Variants in ZNF429 observed in about 807,000 individuals in gnomAD.
ZNF429 encodes the protein zinc finger protein 429.
Under a neutral mutation model 56.8 loss-of-function variants are expected in ZNF429, and 53 were observed. The ratio of observed to expected loss-of-function variants is 0.93; its 90% CI spans 0.75 to 1.17. The LOEUF is 1.17. Among genes scored for constraint, ZNF429 ranks in the 50% most tolerant of loss-of-function variants. ZNF429 has a pLI of 0.00. For missense variants in ZNF429, 849 were observed against 788.4 expected (o/e 1.08, Z -0.92); for synonymous variants, 278 against 264.7 (o/e 1.05, Z -0.49).
chr19:21,512,216 TATGGCACTG>T (rs2032517789), intron 1 of ZNF429, among the ~76,000 whole-genome samples: 1 of 152,166 alleles, frequency 6.6e-6, no homozygotes, highest in Non-Finnish European at 1.5e-5. Flanking sequence ...TGTAAACTGT[TATGGCACTG>T]ATGGGAGTGT....
chr19:21,528,032 A>C (rs1186707362), intron 1 of ZNF429, among the ~76,000 whole-genome samples: 1 of 152,108 alleles, frequency 6.6e-6, no homozygotes, highest in African/African-American at 2.4e-5. Flanking sequence ...AGGGTCTCTG[A>C]AAAATATTTC....
chr19:21,533,873 T>C, intron 3 of ZNF429, among the ~76,000 whole-genome samples: 9 of 152,014 alleles, frequency 5.9e-5, no homozygotes, highest in African/African-American at 9.7e-5. Context: ...CTAGGCTGTA[T>C]TGATATCCAG....
At chr19:21,522,013 G>T (rs1353091395) in intron 1 of ZNF429, 1 of 152,370 alleles carries the variant, frequency 6.6e-6, no homozygotes, top group Non-Finnish European at 1.5e-5. Context: ...AGTGGCAGAT[G>T]GTAGGAGTCG....
intron 3 of ZNF429, among the ~76,000 whole-genome samples, chr19:21,535,493 TTTC>T: frequency 9.6e-5 from 12 of 124,862 alleles, no homozygotes; most frequent in East Asian, 6.4e-4. Context: ...TCTTTCTTTC[TTTC>T]TTCTTTCTTT....
chr19:21,506,315 G>T (rs184400850), intron 1 of ZNF429, among the ~76,000 whole-genome samples: 47 of 152,114 alleles, frequency 3.1e-4, no homozygotes, highest in African/African-American at 1.1e-3. Flanking sequence ...AAAATTAGCC[G>T]GATGTGGTGG....
intron 1 of ZNF429, among the ~76,000 whole-genome samples, chr19:21,508,243 GA>G (rs112400992): frequency 0.049 from 6,242 of 127,394 alleles, 404 homozygotes; most frequent in African/African-American, 0.16. Context: ...AACTCCATCT[GA>G]AAAAAAAAAA....
chr19:21,533,509 C>T, intron 3 of ZNF429, among the ~76,000 whole-genome samples: 90 of 151,048 alleles, frequency 6.0e-4, no homozygotes, highest in African/African-American at 1.9e-3. Flanking sequence ...TAAGAAAATG[C>T]GGCCAAGTCC....
At chr19:21,517,751 T>C (rs796428007) in intron 1 of ZNF429, among the ~76,000 whole-genome samples, 1 of 94,970 alleles carries the variant, frequency 1.1e-5, no homozygotes, top group African/African-American at 3.9e-5. Flanking sequence ...TCAGTAGTTA[T>C]TTGTATTTTT....
intron 1 of ZNF429, among the ~76,000 whole-genome samples, chr19:21,510,119 G>C (rs1316607895): frequency 6.6e-6 from 1 of 152,112 alleles, no homozygotes; most frequent in Non-Finnish European, 1.5e-5. Flanking sequence ...ATGTTGGCCA[G>C]GCTGGTCTCG....
Position 21,537,920 on chromosome 19 carries a change from T to A in ZNF429, c.1867T>A (p.Cys623Ser). The change falls in exon 4 of 4, where the codon TGT becomes AGT. Residue 623 changes from cysteine to serine, a missense_variant. Physicochemically the swap from Cys to Ser is moderately radical, Grantham distance 112 (BLOSUM62 -1). Transcript: ENST00000358491. Reference sequence around the variant, plus strand: ...TCATACTAGAGAGAAACCTTACAAATGTGAAGAATGTGCCAAAGCTTTTAC... The same window carrying A: ...TCATACTAGAGAGAAACCTTACAAAAGTGAAGAATGTGCCAAAGCTTTTAC... ...KIHTREKPYK[C>S]EECAKAFTRS... 6.2e-7 allele frequency: 1 copy of A among 1,613,908 alleles called. No homozygotes were observed. Among genetic ancestry groups the A allele is most frequent in the Non-Finnish European group, 8.5e-7 (1 of 1,179,956 alleles).
intron 3 of ZNF429, among the ~76,000 whole-genome samples, chr19:21,534,896 G>A: frequency 5.3e-5 from 8 of 150,148 alleles, no homozygotes; most frequent in East Asian, 2.0e-4. Flanking sequence ...TGCAGGCTCC[G>A]CCTCCCGGGT....
chr19:21,527,935 A>G (rs1468959553), intron 1 of ZNF429, among the ~76,000 whole-genome samples: 1 of 152,170 alleles, frequency 6.6e-6, no homozygotes, highest in Admixed American at 6.5e-5. Flanking sequence ...ACTGTCATGC[A>G]TTTAGTACTT....
At chr19:21,521,001 G>A (rs1472222836) in intron 1 of ZNF429, among the ~76,000 whole-genome samples, 1 of 152,114 alleles carries the variant, frequency 6.6e-6, no homozygotes, top group East Asian at 1.9e-4. Context: ...TGTTTTAACT[G>A]AATTATGGTT....
chr19:21,537,183 CTTTT>C lies in ZNF429; in HGVS notation c.1131_1134del (p.Phe378ThrfsTer305). 6.2e-7 allele frequency: 1 copy of C among 1,613,694 alleles called. No homozygotes were observed. The highest frequency in any genetic ancestry group is 8.5e-7 in the Non-Finnish European group (1 of 1,179,948). ...TACAAATGTGAAGAATGTGGCAAAG[CTTTT>C]AACCAGTCTTCAAGACTTACTCGAC... is the stretch of plus-strand genomic sequence containing the variant. On this transcript the variant is annotated frameshift_variant, in exon 4 of 4. Coordinates refer to ENST00000358491, the MANE Select transcript of ZNF429 (RefSeq NM_001001415.4). LOFTEE classifies it high-confidence loss of function.
chr19:21,535,330 T>TTTCTTTC, intron 3 of ZNF429, among the ~76,000 whole-genome samples: 1 of 78,288 alleles, frequency 1.3e-5, no homozygotes, highest in East Asian at 2.8e-4. Flanking sequence ...TTTCTTTCTC[T>TTTCTTTC]TTTCTTTTCT....
Position 21,530,643 on chromosome 19 carries a change from C to T in ZNF429, c.185C>T (p.Pro62Leu), listed in dbSNP as rs375122896. 4.1e-5 allele frequency: 66 copies of T among 1,611,648 alleles called. No homozygotes were observed. The highest frequency in any genetic ancestry group is 1.6e-4 in the Middle Eastern group (1 of 6,072). Residue 62 changes from proline to leucine, a missense_variant, in exon 3 of 4, where the codon CCC becomes CTC. Transcript: ENST00000358491. ...ACTTGTCTAGAGAAAGAAAAAGAACCCTGCAAGATGAAGCGACATGAAATG... is the reference window on the plus strand; with the variant it reads ...ACTTGTCTAGAGAAAGAAAAAGAACTCTGCAAGATGAAGCGACATGAAATG... ...LITCLEKEKEPCKMKRHEMVD... is the reference protein window; with the variant it reads ...LITCLEKEKELCKMKRHEMVD...
chr19:21,513,141 G>A (rs2032580444), intron 1 of ZNF429, among the ~76,000 whole-genome samples: 1 of 152,132 alleles, frequency 6.6e-6, no homozygotes, highest in South Asian at 2.1e-4. Context: ...AAAGTGCTGG[G>A]TTTACAGGCA....
intron 3 of ZNF429, among the ~76,000 whole-genome samples, chr19:21,532,090 G>A: frequency 3.4e-5 from 5 of 146,620 alleles, no homozygotes; most frequent in Admixed American, 2.7e-4. Flanking sequence ...GAGGTAAAAA[G>A]TATTTACAAT....
At chr19:21,533,359 C>A in intron 3 of ZNF429, among the ~76,000 whole-genome samples, 4 of 152,052 alleles carry the variant, frequency 2.6e-5, no homozygotes, top group African/African-American at 7.2e-5. Context: ...TAAATCATAT[C>A]CATGTGATTT....
Sources: gnomAD v4.1 joint callset for allele counts (sites outside exome capture counted in the v4.1 genomes callset) on GRCh38, gnomAD v4.1.1 for gene constraint, MANE v1.5 for transcripts, NCBI Gene and HGNC (gene_info 2026-07-23, HGNC 2026-07-21) for gene names.